PPP2R2C: variants seen among roughly 807,000 people sequenced by gnomAD.
PPP2R2C encodes protein phosphatase 2 regulatory subunit Bgamma, also known as protein phosphatase 2, regulatory subunit B, gamma.
PPP2R2C carries 10 observed loss-of-function variants against 45.3 expected under a neutral mutation model. The observed-to-expected ratio is 0.22, with a 90% CI of 0.14 to 0.37. PPP2R2C has a LOEUF of 0.37. PPP2R2C is among the 10% of genes least tolerant of loss of function. The probability of loss-of-function intolerance (pLI) is 1.00; values close to 1 mark genes in which losing one functional copy is unlikely to be tolerated. For missense variants in PPP2R2C, 308 were observed against 619.7 expected, an observed-to-expected ratio of 0.50 and a Z score of 5.34; for synonymous variants, 257 against 245.4, an observed-to-expected ratio of 1.05 and a Z score of -0.44.
At chr4:6,458,936 G>A (rs1260434670) in intron 1 of PPP2R2C, among the ~76,000 whole-genome samples, 4 of 152,150 alleles carry the variant, frequency 2.6e-5, no homozygotes, top group South Asian at 2.1e-4. Context: ...GGAAGTTACC[G>A]GAAGGCTCTG....
intron 5 of PPP2R2C, among the ~76,000 whole-genome samples, chr4:6,363,253 T>G (rs1302479311): frequency 2.0e-5 from 3 of 152,094 alleles, no homozygotes; most frequent in African/African-American, 4.8e-5. Context: ...GGGGAGAGAT[T>G]GATTTTGTAG....
At chr4:6,348,630 A>G in intron 5 of PPP2R2C, 1 of 984,736 alleles carries the variant, frequency 1.0e-6, no homozygotes. Context: ...TGCTCTCCAG[A>G]CCCCAGGACT....
At chr4:6,348,224 T>C (rs546023299) in intron 5 of PPP2R2C, among the ~76,000 whole-genome samples, 170 of 151,768 alleles carry the variant, frequency 1.1e-3, no homozygotes, top group Middle Eastern at 6.8e-3. Context: ...CTGTCCCCTG[T>C]TCCCATGAAG....
At chr4:6,474,506 CCTAT>C (rs998105041), upstream of PPP2R2C, among the ~76,000 whole-genome samples, 2 of 152,148 alleles carry the variant, frequency 1.3e-5, no homozygotes, top group Admixed American at 6.5e-5. Flanking sequence ...GTCCCCTCTC[CCTAT>C]CTGTCAATCC....
intron 1 of PPP2R2C, among the ~76,000 whole-genome samples, chr4:6,466,145 A>G (rs1721580346): frequency 6.6e-6 from 1 of 152,326 alleles, no homozygotes; most frequent in South Asian, 2.1e-4. Context: ...GAGAAGGTGC[A>G]TGAGCTGTCC....
intron 5 of PPP2R2C, among the ~76,000 whole-genome samples, chr4:6,352,300 C>A (rs1377799048): frequency 6.6e-6 from 1 of 152,202 alleles, no homozygotes; most frequent in Non-Finnish European, 1.5e-5. Flanking sequence ...GCAAGCCTTG[C>A]TTTCCCCATC....
intron 2 of PPP2R2C, among the ~76,000 whole-genome samples, chr4:6,494,008 C>A (rs146963784): frequency 6.6e-6 from 1 of 152,244 alleles, no homozygotes; most frequent in Non-Finnish European, 1.5e-5. Context: ...CACCCAGCTT[C>A]GAGCCTGCAG....
intron 5 of PPP2R2C, among the ~76,000 whole-genome samples, chr4:6,352,802 T>A (rs1660427464): frequency 6.6e-6 from 1 of 151,936 alleles, no homozygotes; most frequent in Non-Finnish European, 1.5e-5. Context: ...AACATCCTGA[T>A]CCCCAGAGAC....
chr4:6,509,036 A>T (rs752937531), intron 2 of PPP2R2C, among the ~76,000 whole-genome samples: 43 of 152,346 alleles, frequency 2.8e-4, no homozygotes, highest in East Asian at 1.3e-3. Context: ...CCTCAGACGA[A>T]TCCTTTCCTC....
chr4:6,378,536 C>T lies in PPP2R2C; in HGVS notation c.205G>A (p.Val69Met), dbSNP rs1355262542. The T allele has an allele frequency of 6.8e-6, 11 of 1,613,964 alleles. 1 individual carries two copies. Among genetic ancestry groups the T allele is most frequent in the South Asian group, 5.5e-5 (5 of 91,068 alleles). ...NAPHSQGEYDVYSTFQSHEPE... is the reference protein window; with the variant it reads ...NAPHSQGEYDMYSTFQSHEPE... ...TCGTGGCTCTGGAAAGTGCTGTACA[C>T]GTCGTATTCGCCCTGGCTGTGGGGC... Residue 69 changes from valine to methionine, a missense_variant, in exon 3 of 9, where the codon GTG becomes ATG. Coordinates refer to ENST00000382599, the MANE Select transcript of PPP2R2C (RefSeq NM_020416.4). This position sits in a 1 kb window ranked among gnomAD's most constrained non-coding sequence, Gnocchi z 5.2.
chr4:6,354,116 C>G (rs796770698), intron 5 of PPP2R2C, among the ~76,000 whole-genome samples: 5 of 151,046 alleles, frequency 3.3e-5, no homozygotes, highest in African/African-American at 1.2e-4. Flanking sequence ...TGCCCCTCAG[C>G]CCAGGCCATC....
chr4:6,490,002 G>A (rs1264487907), intron 2 of PPP2R2C, among the ~76,000 whole-genome samples: 2 of 152,196 alleles, frequency 1.3e-5, no homozygotes, highest in South Asian at 4.1e-4. Flanking sequence ...GCATGATCGA[G>A]CAGTTTGGCC....
chr4:6,454,198 G>A (rs961635371), intron 1 of PPP2R2C, among the ~76,000 whole-genome samples: 1 of 152,170 alleles, frequency 6.6e-6, no homozygotes, highest in African/African-American at 2.4e-5. Flanking sequence ...CAGGGCGTCT[G>A]TGGCACACCG....
intron 1 of PPP2R2C, chr4:6,383,259 C>G: frequency 8.2e-7 from 1 of 1,223,500 alleles, no homozygotes; most frequent in South Asian, 1.4e-5. Context: ...CGGCCAAGCC[C>G]AGCCTCCAGC....
upstream of PPP2R2C, among the ~76,000 whole-genome samples, chr4:6,474,288 G>A (rs1577210399): frequency 4.6e-5 from 7 of 151,992 alleles, 2 homozygotes; most frequent in Admixed American, 4.6e-4. Flanking sequence ...TATGCTGGGA[G>A]AAAGACAGGC....
At chr4:6,369,506 G>A (rs575647249) in intron 5 of PPP2R2C, among the ~76,000 whole-genome samples, 1 of 152,294 alleles carries the variant, frequency 6.6e-6, no homozygotes, top group Admixed American at 6.5e-5. Flanking sequence ...TTTTAAATGG[G>A]AAAAGTAAAG....
upstream of PPP2R2C, among the ~76,000 whole-genome samples, chr4:6,475,073 C>A (rs1722092714): frequency 6.6e-6 from 1 of 152,232 alleles, no homozygotes; most frequent in South Asian, 2.1e-4. Flanking sequence ...TAGAGAAATG[C>A]TCTGCTCTCG....
intron 2 of PPP2R2C, among the ~76,000 whole-genome samples, chr4:6,498,267 T>C (rs1324007441): frequency 6.6e-6 from 1 of 152,206 alleles, no homozygotes; most frequent in Non-Finnish European, 1.5e-5. Context: ...TTTGCGCAGC[T>C]CAACACTAGA....
chr4:6,454,158 A>T (rs1720888091), intron 1 of PPP2R2C, among the ~76,000 whole-genome samples: 1 of 152,166 alleles, frequency 6.6e-6, no homozygotes, highest in African/African-American at 2.4e-5. Flanking sequence ...CCAAGGTCAG[A>T]CAGAGCCCAG....
Sources: gnomAD v4.1 joint callset for allele counts (sites outside exome capture counted in the v4.1 genomes callset) on GRCh38, gnomAD v4.1.1 for gene constraint, Gnocchi (gnomAD v3.1) non-coding constraint, MANE v1.5 for transcripts, NCBI Gene and HGNC (gene_info 2026-07-23, HGNC 2026-07-21) for gene names.